Variants in KIF16B observed in about 807,000 individuals in gnomAD.
KIF16B encodes kinesin family member 16B, also known as kinesin-like protein KIF16B.
A neutral mutation model predicts 156.3 loss-of-function variants in KIF16B; 98 were observed. That is an observed-to-expected ratio of 0.63 (90% CI 0.53 to 0.74). KIF16B has a LOEUF of 0.74. KIF16B is among the 30% of genes least tolerant of loss of function. The pLI is 0.00. For synonymous variants in KIF16B, 564 were observed against 583.7 expected, an observed-to-expected ratio of 0.97 and a Z score of 0.49; for missense variants, 1,421 against 1,606.5, an observed-to-expected ratio of 0.88 and a Z score of 1.97.
At position 16,406,468 on chromosome 20, in the gene KIF16B, C is replaced by T; in HGVS notation, c.1613-12G>A. The T allele has an allele frequency of 1.2e-6, 2 of 1,612,248 alleles. No individual in the cohort carries two copies. The highest frequency in any genetic ancestry group is 1.1e-5 in the South Asian group (1 of 90,982). The stretch of plus-strand genomic sequence containing the variant: ...GAGAATCACAGCACCTGAAAACACA[C>T]AAAAACAGTAATGAATTTACAGTAA... On this transcript the variant is annotated splice_polypyrimidine_tract_variant and intron_variant, in intron 15 of 25. Coordinates refer to ENST00000354981, the MANE Select transcript of KIF16B (RefSeq NM_024704.5).
At chr20:16,485,966 T>C (rs1445669623) in intron 12 of KIF16B, among the ~76,000 whole-genome samples, 4 of 152,012 alleles carry the variant, frequency 2.6e-5, no homozygotes, top group Non-Finnish European at 1.5e-5. Flanking sequence ...TAACTAATAA[T>C]AGAACTGAAA....
chr20:16,374,849 C>A (rs867713693), intron 19 of KIF16B, among the ~76,000 whole-genome samples: 4 of 152,252 alleles, frequency 2.6e-5, no homozygotes, highest in African/African-American at 9.6e-5. Flanking sequence ...AATTTCATAG[C>A]CATGGCAGTT....
At chr20:16,277,982 G>C (rs548445133) in intron 25 of KIF16B, among the ~76,000 whole-genome samples, 1 of 152,362 alleles carries the variant, frequency 6.6e-6, no homozygotes, top group East Asian at 1.9e-4. Context: ...GGGCCACTGA[G>C]AACAGCAAAA....
intron 1 of KIF16B, among the ~76,000 whole-genome samples, chr20:16,567,052 C>T (rs111708676): frequency 0.012 from 1,871 of 152,290 alleles, 37 homozygotes; most frequent in African/African-American, 0.042. Flanking sequence ...CTTCCAACCA[C>T]CCCCTGCCCA....
chr20:16,341,125 C>A (rs1313798476), intron 23 of KIF16B, among the ~76,000 whole-genome samples: 1 of 152,130 alleles, frequency 6.6e-6, no homozygotes. Context: ...TTAGCCTGCC[C>A]AAAGCTACCT....
chr20:16,561,149 C>T (rs1328260113), intron 1 of KIF16B, among the ~76,000 whole-genome samples: 1 of 152,038 alleles, frequency 6.6e-6, no homozygotes, highest in East Asian at 1.9e-4. Context: ...AAAAAATTAG[C>T]TGGGCGTGGT....
At chr20:16,372,261 T>C (rs1014066486) in intron 20 of KIF16B, among the ~76,000 whole-genome samples, 1 of 152,170 alleles carries the variant, frequency 6.6e-6, no homozygotes, top group Non-Finnish European at 1.5e-5. Context: ...CTACAAATCT[T>C]CCTCATTCAG....
chr20:16,557,156 T>TAA (rs113887018), intron 1 of KIF16B, among the ~76,000 whole-genome samples: 38 of 119,812 alleles, frequency 3.2e-4, no homozygotes, highest in Non-Finnish European at 6.3e-4. Flanking sequence ...ACTATATATA[T>TAA]ATACACACAC....
intron 18 of KIF16B, 141 bp downstream of exon 18, chr20:16,381,553 G>T: frequency 4.5e-6 from 2 of 440,080 alleles, no homozygotes; most frequent in Non-Finnish European, 7.7e-6. Context: ...AAGACCTGCA[G>T]TCATTAGACA....
chr20:16,370,085 A>T (rs1452332739), intron 22 of KIF16B, among the ~76,000 whole-genome samples: 2 of 152,128 alleles, frequency 1.3e-5, no homozygotes, highest in Non-Finnish European at 2.9e-5. Context: ...AAAATTTAGG[A>T]ATATATGGGA....
At chr20:16,281,299 C>T (rs543251344) in intron 25 of KIF16B, among the ~76,000 whole-genome samples, 20 of 152,222 alleles carry the variant, frequency 1.3e-4, no homozygotes, top group East Asian at 5.8e-4. Context: ...TCATTAACCA[C>T]GGTGGCGGCT....
At chr20:16,545,755 G>A (rs573927663) in intron 1 of KIF16B, among the ~76,000 whole-genome samples, 18 of 152,218 alleles carry the variant, frequency 1.2e-4, no homozygotes, top group African/African-American at 3.9e-4. Flanking sequence ...ACATTAAATC[G>A]ACTATTCAAT....
intron 12 of KIF16B, among the ~76,000 whole-genome samples, chr20:16,472,736 C>G (rs1475778123): frequency 6.6e-6 from 1 of 152,076 alleles, no homozygotes; most frequent in Admixed American, 6.6e-5. Flanking sequence ...AGAGAACAAA[C>G]CTCTCGGCTG....
rs369831714 is a variant in KIF16B, at chr20:16,504,394, G to A, written c.1154C>T (p.Thr385Met). The change falls in exon 10 of 26, where the codon ACG becomes ATG. Residue 385 changes from threonine (T) to methionine (M), a missense_variant. By Grantham distance (81) the Thr-to-Met change is moderately conservative. Coordinates refer to ENST00000354981, the MANE Select transcript of KIF16B (RefSeq NM_024704.5). ...AACCTGATTCCCTTGAGCAAGCAGC[G>A]TTTTCAGTCTGGCTATTTCAGCTCG... is the stretch of plus-strand genomic sequence containing the variant. ...ELRAEIARLK[T>M]LLAQGNQIAL... 18 of 1,613,904 alleles carry A rather than the reference G, an allele frequency of 1.1e-5. No individual in the cohort carries two copies. The highest frequency in any genetic ancestry group is 1.6e-4 in the Middle Eastern group (1 of 6,080).
chr20:16,471,962 A>G (rs17740473), intron 12 of KIF16B, among the ~76,000 whole-genome samples: 16,608 of 152,322 alleles, frequency 0.11, 1,140 homozygotes, highest in Non-Finnish European at 0.16. Context: ...TTAAACAAAT[A>G]TGAGTCCAAA....
intron 4 of KIF16B, among the ~76,000 whole-genome samples, chr20:16,514,196 G>GT (rs1424439983): frequency 1.3e-5 from 2 of 151,852 alleles, no homozygotes; most frequent in East Asian, 3.9e-4. Context: ...ACTTTTGGAA[G>GT]TTTTGTTTTT....
intron 24 of KIF16B, among the ~76,000 whole-genome samples, chr20:16,320,816 G>C (rs909734350): frequency 6.6e-6 from 1 of 152,160 alleles, no homozygotes; most frequent in Admixed American, 6.5e-5. Flanking sequence ...ATCTCTGTTA[G>C]AAGAGTCACT....
At chr20:16,543,388 T>C (rs1162199982) in intron 1 of KIF16B, among the ~76,000 whole-genome samples, 1 of 152,198 alleles carries the variant, frequency 6.6e-6, no homozygotes, top group Non-Finnish European at 1.5e-5. Context: ...GGTGCTCCTC[T>C]TCTGAGTCCT....
At chr20:16,429,790 A>G (rs1002764893) in intron 13 of KIF16B, 73 bp downstream of exon 13, 8 of 1,294,040 alleles carry the variant, frequency 6.2e-6, no homozygotes, top group Admixed American at 2.2e-5. Context: ...ATAGAATATT[A>G]TAATAAACCT....
Sources: gnomAD v4.1 joint callset for allele counts (sites outside exome capture counted in the v4.1 genomes callset) on GRCh38, gnomAD v4.1.1 for gene constraint, MANE v1.5 for transcripts, NCBI Gene and HGNC (gene_info 2026-07-23, HGNC 2026-07-21) for gene names.